SUMO2: variants seen among roughly 807,000 people sequenced by gnomAD.
SUMO2 encodes the protein small ubiquitin like modifier 2, also known as small ubiquitin-related modifier 2.
A neutral mutation model predicts 16.0 loss-of-function variants in SUMO2; 1 was observed. That is an observed-to-expected ratio of 0.06 (90% CI 0.02 to 0.30). SUMO2 has a LOEUF of 0.30. Ranked by LOEUF, SUMO2 falls within the 10% of genes least tolerant of loss-of-function variation. The pLI is 1.00. For synonymous variants in SUMO2, 36 were observed against 40.6 expected (o/e 0.89, Z 0.43); for missense variants, 16 against 117.5 (o/e 0.14, Z 3.99).
At chr17:75,176,029 G>C (rs573907185) in intron 2 of SUMO2, among the ~76,000 whole-genome samples, 2 of 151,674 alleles carry the variant, frequency 1.3e-5, no homozygotes, top group Non-Finnish European at 2.9e-5. Flanking sequence ...ATTTAAATGA[G>C]TTAGACAAGG....
At chr17:75,171,457 T>G (rs2074737995) in intron 3 of SUMO2, among the ~76,000 whole-genome samples, 1 of 151,630 alleles carries the variant, frequency 6.6e-6, no homozygotes, top group Non-Finnish European at 1.5e-5. Flanking sequence ...GAGGTTGCAG[T>G]GAGCTGAGAT....
chr17:75,169,238 AAAG>A (rs2074716131), intron 3 of SUMO2, among the ~76,000 whole-genome samples: 1 of 151,954 alleles, frequency 6.6e-6, no homozygotes, highest in Admixed American at 6.6e-5. Flanking sequence ...TGTATCAAAA[AAAG>A]AGAAAAAAAG....
chr17:75,177,751 G>A (rs914626930), intron 2 of SUMO2, among the ~76,000 whole-genome samples: 2 of 151,912 alleles, frequency 1.3e-5, no homozygotes, highest in African/African-American at 2.4e-5. Context: ...TTGGGAGGCC[G>A]AGGTGGCGAG....
At chr17:75,169,791 G>C (rs1043700102) in intron 3 of SUMO2, among the ~76,000 whole-genome samples, 1 of 149,160 alleles carries the variant, frequency 6.7e-6, no homozygotes, top group African/African-American at 2.5e-5. Context: ...AGAGGTTGTG[G>C]TGAGCCAAGA....
intron 3 of SUMO2, among the ~76,000 whole-genome samples, chr17:75,169,680 G>A (rs995160182): frequency 3.3e-5 from 5 of 151,904 alleles, no homozygotes; most frequent in African/African-American, 9.7e-5. Flanking sequence ...ACTGCACCCG[G>A]CCTAAAAATA....
rs184433754 is a variant in SUMO2, at chr17:75,169,262, C to T, written c.226-861G>A. Among the ~76,000 whole-genome samples, 6 of 152,092 alleles carry T rather than the reference C, an allele frequency of 3.9e-5. No homozygotes were observed. The East Asian group carries it at 7.7e-4, about 20-fold the overall frequency. On this transcript the variant is annotated intron_variant, in intron 3 of 3. Transcript: ENST00000420826. ...AAAAGAGAAAAAAAGGCTAGGGCCA[C>T]GCACAATGGCTCACTCCTGTAATCT...
At chr17:75,172,995 C>T (rs2074753864) in intron 3 of SUMO2, among the ~76,000 whole-genome samples, 2 of 152,086 alleles carry the variant, frequency 1.3e-5, no homozygotes, top group Admixed American at 1.3e-4. Flanking sequence ...AACTCAGGGG[C>T]TTTTCCAATT....
rs1037417160 is a variant in SUMO2, at chr17:75,182,928, G to A, written c.-94C>T. On this transcript the variant is annotated 5_prime_UTR_variant, in exon 1 of 4. Coordinates refer to ENST00000420826, the MANE Select transcript of SUMO2 (RefSeq NM_006937.4). ...ACAAGCAGCACCAGGAGCGGCAGAAGAAGGAGGCGGCAGCGGTGGACGAGG... is the reference window on the plus strand; with the variant it reads ...ACAAGCAGCACCAGGAGCGGCAGAAAAAGGAGGCGGCAGCGGTGGACGAGG... 2.1e-5 allele frequency: 24 copies of A among 1,119,092 alleles called. No homozygotes were observed. Among genetic ancestry groups the A allele is most frequent in the Middle Eastern group, 3.3e-4 (1 of 2,988 alleles). The allele number at this position is 1,119,092 out of a possible 1,614,324, so 69.3% of individuals were successfully genotyped here.
At position 75,166,376 on chromosome 17, in the gene SUMO2, G is replaced by A. The variant is rs2074692930; in HGVS notation, c.*1963C>T. 1 of 152,440 alleles carries A rather than the reference G, an allele frequency of 6.6e-6. No homozygotes were observed. Among genetic ancestry groups the A allele is most frequent in the East Asian group, 1.9e-4 (1 of 5,178 alleles). The allele number at this position is 152,440 out of a possible 1,614,324, so 9.4% of individuals were successfully genotyped here. ...TGTAATCCCAGCTTTTCCGGAGGCT[G>A]AGGGAGGAGAATCAGTTGAACCCGG... On this transcript the variant is annotated 3_prime_UTR_variant, in exon 4 of 4. Coordinates refer to ENST00000420826, the MANE Select transcript of SUMO2 (RefSeq NM_006937.4).
chr17:75,179,825 A>AT (rs1568048977), intron 2 of SUMO2, among the ~76,000 whole-genome samples: 2 of 151,814 alleles, frequency 1.3e-5, no homozygotes, highest in South Asian at 2.1e-4. Context: ...CGCCCAGCTA[A>AT]TTTTTTTGGA....
At chr17:75,177,858 A>G (rs2074795038) in intron 2 of SUMO2, among the ~76,000 whole-genome samples, 2 of 151,296 alleles carry the variant, frequency 1.3e-5, no homozygotes, top group African/African-American at 4.9e-5. Flanking sequence ...GCACGGTGGT[A>G]GGTGCCTATA....
intron 2 of SUMO2, among the ~76,000 whole-genome samples, 166 bp from the exon 3 acceptor site, chr17:75,174,989 TTTTC>T (rs1190732167): frequency 6.6e-6 from 1 of 152,124 alleles, no homozygotes; most frequent in African/African-American, 2.4e-5. Flanking sequence ...GTGATTTTCA[TTTTC>T]TTTTTTTTGA....
chr17:75,180,420 A>AAAC (rs1430366609), intron 2 of SUMO2, among the ~76,000 whole-genome samples: 5 of 138,906 alleles, frequency 3.6e-5, no homozygotes, highest in Admixed American at 2.9e-4. Context: ...AAAAAAAAAA[A>AAAC]ACGACTTCTT....
intron 2 of SUMO2, among the ~76,000 whole-genome samples, chr17:75,176,362 G>A (rs2074782419): frequency 6.6e-6 from 1 of 152,084 alleles, no homozygotes; most frequent in Non-Finnish European, 1.5e-5. Flanking sequence ...GGCTCACACT[G>A]TAATTCCAAC....
Position 75,178,281 on chromosome 17 carries a change from C to T in SUMO2, c.153+2776G>A, listed in dbSNP as rs564376962. Among the ~76,000 whole-genome samples the T allele has an allele frequency of 4.0e-4, 61 of 151,258 alleles. 1 individual carries two copies. The highest frequency in any genetic ancestry group is 5.9e-4 in the East Asian group (3 of 5,070). The stretch of plus-strand genomic sequence containing the variant: ...CTGTAATCCCAGCACTTTGGGAGGC[C>T]GAAGCAGGCGGATCACGAGGTCAAG... On this transcript the variant is annotated intron_variant, in intron 2 of 3. Transcript: ENST00000420826.
chr17:75,180,420 A>AAC, intron 2 of SUMO2, among the ~76,000 whole-genome samples: 1 of 138,784 alleles, frequency 7.2e-6, no homozygotes, highest in Non-Finnish European at 1.5e-5. Flanking sequence ...AAAAAAAAAA[A>AAC]ACGACTTCTT....
chr17:75,167,291 C>CA lies in SUMO2; in HGVS notation c.*1047dup, dbSNP rs925245163. 113 of 148,312 alleles carry CA rather than the reference C, an allele frequency of 7.6e-4. No homozygotes were observed. The highest frequency in any genetic ancestry group is 2.0e-3 in the Admixed American group (30 of 14,724). 9.2% of individuals were successfully genotyped at this position (148,312 alleles called of 1,614,324 possible). A position where few individuals can be genotyped will look rare whatever the true frequency, so the allele number is the denominator to read the frequency against. ...GGGCAACAAGAGGAAAACTCCGTCT[C>CA]AAAAAAAAAATCCTTGAATAAGGAA... On this transcript the variant is annotated 3_prime_UTR_variant, in exon 4 of 4. Coordinates refer to ENST00000420826, the MANE Select transcript of SUMO2 (RefSeq NM_006937.4).
Position 75,169,866 on chromosome 17 carries a change from TG to T in SUMO2, c.226-1466del, listed in dbSNP as rs1193243883. Among the ~76,000 whole-genome samples, 230 of 64,392 alleles carry T rather than the reference TG, an allele frequency of 3.6e-3. 7 individuals carry two copies. The highest frequency in any genetic ancestry group is 7.3e-3 in the African/African-American group (120 of 16,492). 42.2% of individuals were successfully genotyped at this position (64,392 alleles called of 152,430 possible). ...TTGGTCTCAAAAAAAAAAAAAAAGGTGGGGGGGGGCGGGTGTGGCAGCTCAC... is the reference window on the plus strand; with the variant it reads ...TTGGTCTCAAAAAAAAAAAAAAAGGTGGGGGGGGCGGGTGTGGCAGCTCAC... On this transcript the variant is annotated intron_variant, in intron 3 of 3. Transcript: ENST00000420826.
chr17:75,174,819 A>G lies in SUMO2; in HGVS notation c.158T>C (p.Leu53Ser). 1 of 1,613,690 alleles carries G rather than the reference A, an allele frequency of 6.2e-7. No homozygotes were observed. Among genetic ancestry groups the G allele is most frequent in the Non-Finnish European group, 8.5e-7 (1 of 1,179,818 alleles). ...LMKAYCERQG[L>S]SMRQIRFRFD... is the part of the protein sequence containing the mutation. Reference sequence around the variant, plus strand: ...TCGGAATCTGATCTGCCTCATTGACAATCCCTGAACGAGAATTTAAAAGCA... The same window carrying G: ...TCGGAATCTGATCTGCCTCATTGACGATCCCTGAACGAGAATTTAAAAGCA... Residue 53 changes from leucine to serine, a missense_variant, in exon 3 of 4, where the codon TTG becomes TCG. By Grantham distance (145) the Leu-to-Ser change is moderately radical (BLOSUM62 -2). Coordinates refer to ENST00000420826, the MANE Select transcript of SUMO2 (RefSeq NM_006937.4).
Sources: allele counts gnomAD v4.1 joint callset (sites outside exome capture counted in the v4.1 genomes callset), GRCh38; gene constraint gnomAD v4.1.1; transcripts MANE v1.5; gene names NCBI Gene and HGNC (gene_info 2026-07-23, HGNC 2026-07-21).